Variants in METAP1D observed in about 807,000 individuals in gnomAD.
METAP1D encodes methionyl aminopeptidase type 1D, mitochondrial.
In METAP1D, 31 loss-of-function variants were observed where a neutral mutation model predicts 40.5. The observed-to-expected ratio is 0.77, with a 90% CI of 0.58 to 1.03. The LOEUF is 1.03. Ranked by LOEUF, METAP1D falls within the 50% of genes least tolerant of loss-of-function variation. The pLI, the probability that METAP1D is intolerant of heterozygous loss-of-function variation, is 0.00. For missense variants in METAP1D, 411 were observed against 420.7 expected (o/e 0.98, Z 0.20); for synonymous variants, 151 against 146.4 (o/e 1.03, Z -0.22).
chr2:172,048,312 G>A (rs1174769063), intron 1 of METAP1D, among the ~76,000 whole-genome samples: 1 of 152,178 alleles, frequency 6.6e-6, no homozygotes, highest in Non-Finnish European at 1.5e-5. Flanking sequence ...ATTTTAGAGT[G>A]ACCTCCTCCC....
In METAP1D at chr2:172,007,027, A is replaced by G. The variant is rs79900618; in HGVS notation, c.40+7018A>G. The stretch of plus-strand genomic sequence containing the variant: ...TTCATCTTTTCCTTTAAGTACTTGA[A>G]CATACATATTTATAACAGCTTTTTA... On this transcript the variant is annotated intron_variant, in intron 1 of 9. Transcript: ENST00000315796. Among the ~76,000 whole-genome samples, 32 of 152,130 alleles carry G rather than the reference A, an allele frequency of 2.1e-4. 1 individual carries two copies. In the East Asian group the frequency reaches 6.2e-3, roughly 29 times the overall value.
rs1411582838 is a variant in METAP1D at position 172,009,689 on chromosome 2, AGAG to A, written c.40+9683_40+9685del. Among the ~76,000 whole-genome samples the A allele has an allele frequency of 2.6e-5, 4 of 152,270 alleles. No individual in the cohort carries two copies. In the East Asian group the frequency reaches 5.8e-4, roughly 22 times the overall value. On this transcript the variant is annotated intron_variant, in intron 1 of 9. Coordinates refer to ENST00000315796, the MANE Select transcript of METAP1D (RefSeq NM_199227.3). ...TTAGAGTGGAAGACTGTAGGGTAAGAGAGGATTAACAAGAAAGTGAGATGGTGT... is the reference window on the plus strand; with the variant it reads ...TTAGAGTGGAAGACTGTAGGGTAAGAGATTAACAAGAAAGTGAGATGGTGT...
chr2:172,063,900 G>C, intron 3 of METAP1D, 40 bp downstream of exon 3: 1 of 1,523,736 alleles, frequency 6.6e-7, no homozygotes, highest in African/African-American at 1.4e-5. Context: ...TACATAAGGG[G>C]CAACAAACAC....
At chr2:172,073,499 GA>G (rs1690472669) in intron 6 of METAP1D, among the ~76,000 whole-genome samples, 1 of 151,972 alleles carries the variant, frequency 6.6e-6, no homozygotes, top group Admixed American at 6.6e-5. Context: ...AAGCTTTTTT[GA>G]AAACCAGATC....
chr2:172,069,349 A>C (rs1264755116), intron 5 of METAP1D, among the ~76,000 whole-genome samples: 1 of 152,224 alleles, frequency 6.6e-6, no homozygotes, highest in African/African-American at 2.4e-5. Context: ...TATATTAGCA[A>C]ATTTTATATT....
intron 6 of METAP1D, among the ~76,000 whole-genome samples, chr2:172,075,601 C>T (rs1002591858): frequency 6.6e-6 from 1 of 152,158 alleles, no homozygotes; most frequent in Non-Finnish European, 1.5e-5. Flanking sequence ...TGAATTTGGA[C>T]TTAAACCCTA....
At chr2:172,061,461 G>GT (rs759295196) in intron 1 of METAP1D, 37 bp from the exon 2 acceptor site, 25 of 1,578,074 alleles carry the variant, frequency 1.6e-5, no homozygotes, top group Non-Finnish European at 2.0e-5. Flanking sequence ...GTGTTAGGTT[G>GT]TTTTTTTACT....
chr2:172,008,496 C>CT (rs1305818389), intron 1 of METAP1D, among the ~76,000 whole-genome samples: 1 of 152,116 alleles, frequency 6.6e-6, no homozygotes, highest in Non-Finnish European at 1.5e-5. Context: ...GGGTATGTTC[C>CT]CAGACCCTCA....
chr2:172,000,575 CTTTG>C (rs967287303), intron 1 of METAP1D, among the ~76,000 whole-genome samples: 1 of 152,146 alleles, frequency 6.6e-6, no homozygotes, highest in Non-Finnish European at 1.5e-5. Flanking sequence ...TTGGGGAAAT[CTTTG>C]TTGGATTTGA....
chr2:172,055,518 C>T (rs984106167), intron 1 of METAP1D, among the ~76,000 whole-genome samples: 1 of 152,104 alleles, frequency 6.6e-6, no homozygotes, highest in Non-Finnish European at 1.5e-5. Flanking sequence ...GTTGAGGGCC[C>T]GCCCCTCTTT....
chr2:172,026,531 T>C (rs1558999470), intron 1 of METAP1D, among the ~76,000 whole-genome samples: 1 of 152,218 alleles, frequency 6.6e-6, no homozygotes, highest in Non-Finnish European at 1.5e-5. Flanking sequence ...CCCTTCATCA[T>C]GGAGTTTTTT....
chr2:172,065,240 G>A (rs78893788), intron 3 of METAP1D, among the ~76,000 whole-genome samples: 1,879 of 152,224 alleles, frequency 0.012, 14 homozygotes, highest in Non-Finnish European at 0.017. Flanking sequence ...ATTCACATGC[G>A]CTGGGTAGCC....
intron 5 of METAP1D, among the ~76,000 whole-genome samples, chr2:172,066,974 G>T (rs986704064): frequency 2.6e-5 from 4 of 151,970 alleles, no homozygotes; most frequent in African/African-American, 7.2e-5. Flanking sequence ...TTTCTTTTAA[G>T]TAACAAGCCT....
Position 172,030,090 on chromosome 2 carries a change from A to T in METAP1D, c.40+30081A>T, listed in dbSNP as rs1330028516. On this transcript the variant is annotated intron_variant, in intron 1 of 9. Transcript: ENST00000315796. ...ACATTTTATTTTATTTTATTTATTT[A>T]TTTATTTATTTTTTTTGAGGCAGAG... Among the ~76,000 whole-genome samples, 261 of 140,202 alleles carry T rather than the reference A, an allele frequency of 1.9e-3. 1 individual carries two copies. The highest frequency in any genetic ancestry group is 8.0e-3 in the Middle Eastern group (2 of 250). The allele number at this position is 140,202 out of a possible 152,430, so 92.0% of individuals were successfully genotyped here. A position where few individuals can be genotyped will look rare whatever the true frequency, so the allele number is the denominator to read the frequency against.
intron 1 of METAP1D, among the ~76,000 whole-genome samples, chr2:172,059,579 G>T (rs984067161): frequency 1.3e-5 from 2 of 152,156 alleles, no homozygotes; most frequent in African/African-American, 4.8e-5. Flanking sequence ...TGGGCACCAA[G>T]ATTTGAATTT....
intron 1 of METAP1D, among the ~76,000 whole-genome samples, chr2:172,024,004 G>A (rs923054636): frequency 4.0e-5 from 6 of 151,864 alleles, no homozygotes; most frequent in Admixed American, 6.6e-5. Flanking sequence ...ACAGGCGCCC[G>A]CCACCATGCC....
intron 1 of METAP1D, among the ~76,000 whole-genome samples, chr2:172,005,687 G>A (rs986979153): frequency 6.6e-5 from 10 of 150,854 alleles, no homozygotes; most frequent in Non-Finnish European, 8.9e-5. Context: ...ACAGGCACCC[G>A]CCACCATGCC....
At chr2:172,063,898 G>T in intron 3 of METAP1D, 38 bp downstream of exon 3, 1 of 1,534,430 alleles carries the variant, frequency 6.5e-7, no homozygotes, top group East Asian at 2.4e-5. Context: ...CTTACATAAG[G>T]GGCAACAAAC....
In METAP1D at chr2:172,041,618, C is replaced by A. The variant is rs148357409; in HGVS notation, c.41-19880C>A. On this transcript the variant is annotated intron_variant, in intron 1 of 9. Transcript: ENST00000315796. Reference sequence around the variant, plus strand: ...CCCCTAACACTGAAGACTGGTTGCCCCCAACTCAAGCCAGATACATAATTC... The same window carrying A: ...CCCCTAACACTGAAGACTGGTTGCCACCAACTCAAGCCAGATACATAATTC... Among the ~76,000 whole-genome samples the A allele has an allele frequency of 3.4e-3, 413 of 121,836 alleles. 24 individuals carry two copies. Among genetic ancestry groups the A allele is most frequent in the African/African-American group, 0.011 (406 of 37,224 alleles). The allele number at this position is 121,836 out of a possible 152,430, so 79.9% of individuals were successfully genotyped here. A position where few individuals can be genotyped will look rare whatever the true frequency, so the allele number is the denominator to read the frequency against.
Sources: gnomAD v4.1 joint callset for allele counts (sites outside exome capture counted in the v4.1 genomes callset) on GRCh38, gnomAD v4.1.1 for gene constraint, MANE v1.5 for transcripts, NCBI Gene and HGNC (gene_info 2026-07-23, HGNC 2026-07-21) for gene names.